Variants in IQSEC1 observed in about 807,000 individuals in gnomAD.
IQSEC1 encodes the protein IQ motif and Sec7 domain ArfGEF 1.
In IQSEC1, 31 loss-of-function variants were observed where a neutral mutation model predicts 91.0. That is an observed-to-expected ratio of 0.34 (90% CI 0.26 to 0.46). IQSEC1 has a LOEUF of 0.46. Ranked by LOEUF, IQSEC1 falls within the 20% of genes least tolerant of loss-of-function variation. The probability of loss-of-function intolerance (pLI) is 1.00; values close to 1 mark genes in which losing one functional copy is unlikely to be tolerated. For missense variants in IQSEC1, 1,388 were observed against 1,575.6 expected (o/e 0.88, Z 2.02); for synonymous variants, 699 against 662.6 (o/e 1.05, Z -0.84).
intron 1 of IQSEC1, among the ~76,000 whole-genome samples, chr3:12,972,263 T>G (rs2596896): frequency 0.72 from 108,365 of 151,282 alleles, 38,893 homozygotes; most frequent in East Asian, 0.86. Context: ...GGTGAGCTGT[T>G]ATTGTGCCAC....
intron 1 of IQSEC1, among the ~76,000 whole-genome samples, chr3:13,202,066 G>A (rs1694255160): frequency 6.6e-6 from 1 of 152,202 alleles, no homozygotes; most frequent in South Asian, 2.1e-4. Flanking sequence ...ATCAGACGTT[G>A]TCTCTATCCA....
chr3:12,927,874 G>A (rs535599717), intron 3 of IQSEC1, among the ~76,000 whole-genome samples: 1 of 152,344 alleles, frequency 6.6e-6, no homozygotes, highest in East Asian at 1.9e-4. Context: ...GTGCTGAGGT[G>A]GGTGGGGAGA....
rs1287600105 is a variant in IQSEC1, at chr3:12,967,915, A to G, written c.24-26050T>C. 5.3e-4 allele frequency among the ~76,000 whole-genome samples: 3 copies of G among 5,626 alleles called. No homozygotes were observed. The highest frequency in any genetic ancestry group is 8.1e-3 in the East Asian group (2 of 248). 3.7% of individuals were successfully genotyped at this position (5,626 alleles called of 152,430 possible). A position where few individuals can be genotyped will look rare whatever the true frequency, so the allele number is the denominator to read the frequency against. On this transcript the variant is annotated intron_variant, in intron 1 of 13. Coordinates refer to ENST00000613206, the MANE Select transcript of IQSEC1 (RefSeq NM_001134382.3). The surrounding 1 kb of genome is among the most constrained non-coding windows in gnomAD (Gnocchi z 5.9). ...GGCGGGGGGTCAGGGGCGGGGCGTC[A>G]GGGGCGGGGCTACGCGCAGGGGCGG...
chr3:13,166,000 G>C (rs1292251789), intron 1 of IQSEC1, among the ~76,000 whole-genome samples: 2 of 152,160 alleles, frequency 1.3e-5, no homozygotes, highest in African/African-American at 4.8e-5. Flanking sequence ...TAAATGCTGT[G>C]GACTGGTCAC....
intron 1 of IQSEC1, among the ~76,000 whole-genome samples, chr3:13,057,291 C>T (rs924084503): frequency 6.6e-6 from 1 of 152,194 alleles, no homozygotes; most frequent in Admixed American, 6.5e-5. Context: ...GACCTGAGCC[C>T]CTGACCTAAA....
chr3:13,165,535 G>GTGT (rs1693473529), intron 1 of IQSEC1, among the ~76,000 whole-genome samples: 1 of 88,994 alleles, frequency 1.1e-5, no homozygotes, highest in Non-Finnish European at 2.1e-5. Flanking sequence ...GTGGGGGGGT[G>GTGT]GCGTGTGTGT....
At position 12,901,205 on chromosome 3, in the gene IQSEC1, G is replaced by A. The variant is rs1204375449; in HGVS notation, c.3123C>T (p.His1041=). 5 of 1,546,310 alleles carry A rather than the reference G, an allele frequency of 3.2e-6. No homozygotes were observed. Among genetic ancestry groups the A allele is most frequent in the Non-Finnish European group, 4.4e-6 (5 of 1,144,812 alleles). Residue 1041 remains histidine (H), a synonymous_variant, in exon 14 of 14, where the codon CAC becomes CAT. Coordinates refer to ENST00000613206, the MANE Select transcript of IQSEC1 (RefSeq NM_001134382.3). ...YCHMQNPPPY[H]HHHHHHPPQH... is the part of the protein sequence containing the mutation. The stretch of plus-strand genomic sequence containing the variant: ...GGGGTGGGTGGTGGTGGTGGTGATG[G>A]TGGTACGGGGGAGGGTTCTGCATGT...
intron 1 of IQSEC1, among the ~76,000 whole-genome samples, chr3:13,227,696 C>T (rs1296269042): frequency 2.0e-5 from 3 of 151,682 alleles, no homozygotes; most frequent in African/African-American, 4.9e-5. Context: ...CCAGGTGGGG[C>T]GATAGAGGGC....
chr3:13,073,884 G>C (rs115679614), upstream of IQSEC1, among the ~76,000 whole-genome samples: 1 of 152,232 alleles, frequency 6.6e-6, no homozygotes, highest in African/African-American at 2.4e-5. Context: ...GCTATACCAC[G>C]GGGTTCCAGG....
At chr3:13,011,919 G>A (rs1255679868) in intron 1 of IQSEC1, among the ~76,000 whole-genome samples, 1 of 150,968 alleles carries the variant, frequency 6.6e-6, no homozygotes, top group Non-Finnish European at 1.5e-5. Context: ...GCCAATGAGT[G>A]AGTCTCAAAT....
intron 1 of IQSEC1, among the ~76,000 whole-genome samples, chr3:13,273,400 C>T (rs557441866): frequency 6.6e-6 from 1 of 152,290 alleles, no homozygotes; most frequent in African/African-American, 2.4e-5. Flanking sequence ...TGTCGCCAAC[C>T]ACCTCACTCC....
intron 1 of IQSEC1, among the ~76,000 whole-genome samples, chr3:13,235,767 C>T (rs1694917380): frequency 6.6e-6 from 1 of 152,212 alleles, no homozygotes; most frequent in South Asian, 2.1e-4. Context: ...CCACTGCAGG[C>T]TTAACATCCA....
chr3:13,013,956 G>A (rs1703001869), intron 1 of IQSEC1, among the ~76,000 whole-genome samples: 1 of 152,224 alleles, frequency 6.6e-6, no homozygotes, highest in African/African-American at 2.4e-5. Flanking sequence ...GCAGGCAGCA[G>A]GGGCTCTGAT....
At chr3:13,044,835 G>A (rs1021428885) in intron 1 of IQSEC1, among the ~76,000 whole-genome samples, 4 of 152,236 alleles carry the variant, frequency 2.6e-5, no homozygotes, top group Admixed American at 6.5e-5. Flanking sequence ...CAGAACCTCC[G>A]AAGGCTGGGA....
chr3:12,908,499 C>G lies in IQSEC1; in HGVS notation c.2605G>C (p.Val869Leu). 6.2e-7 allele frequency: 1 copy of G among 1,613,594 alleles called. No homozygotes were observed. Among genetic ancestry groups the G allele is most frequent in the South Asian group, 1.1e-5 (1 of 91,076 alleles). Residue 869 changes from valine (V) to leucine (L), a missense_variant, in exon 12 of 14, where the codon GTG becomes CTG. Coordinates refer to ENST00000613206, the MANE Select transcript of IQSEC1 (RefSeq NM_001134382.3). This position sits in a 1 kb window ranked among gnomAD's most constrained non-coding sequence, Gnocchi z 4.9. The stretch of plus-strand genomic sequence containing the variant: ...GAGCACTGGGACATGCTGGGCCGCA[C>G]GACGCCTTTCTGCTTCTCGAGCTCC... ...ESELEKQKGV[V>L]RPSMSQCSSL...
chr3:13,097,357 G>A (rs1404733621), intron 2 of IQSEC1, among the ~76,000 whole-genome samples: 1 of 152,130 alleles, frequency 6.6e-6, no homozygotes, highest in Non-Finnish European at 1.5e-5. Context: ...GCTTCCAGAC[G>A]TGGCTCTGGT....
At chr3:13,195,131 G>T (rs1465640817) in intron 1 of IQSEC1, among the ~76,000 whole-genome samples, 1 of 152,168 alleles carries the variant, frequency 6.6e-6, no homozygotes, top group Non-Finnish European at 1.5e-5. Context: ...TATAAAAAAT[G>T]TTCAAAATTG....
At chr3:13,015,884 C>G (rs1703105660) in intron 1 of IQSEC1, among the ~76,000 whole-genome samples, 1 of 152,224 alleles carries the variant, frequency 6.6e-6, no homozygotes, top group Admixed American at 6.5e-5. Context: ...CCTCCCTGGA[C>G]AGTCTCTGGT....
chr3:12,995,604 C>G (rs957829005), intron 1 of IQSEC1, among the ~76,000 whole-genome samples: 7 of 152,236 alleles, frequency 4.6e-5, no homozygotes, highest in African/African-American at 1.4e-4. Context: ...GCTGTAGCGT[C>G]TAAGCAGTGT....
Sources: allele counts gnomAD v4.1 joint callset (sites outside exome capture counted in the v4.1 genomes callset), GRCh38; gene constraint gnomAD v4.1.1; non-coding constraint Gnocchi (gnomAD v3.1); transcripts MANE v1.5; gene names NCBI Gene and HGNC (gene_info 2026-07-23, HGNC 2026-07-21).